ESRP1: variants seen among roughly 807,000 people sequenced by gnomAD.
ESRP1 encodes the protein RNA-binding motif protein 35A.
ESRP1 carries 33 observed loss-of-function variants against 81.7 expected under a neutral mutation model. That is an observed-to-expected ratio of 0.40 (90% CI 0.31 to 0.54). The LOEUF (loss-of-function observed/expected upper bound fraction) is 0.54, where lower values mean the gene tolerates loss of function less well. Ranked by LOEUF, ESRP1 falls within the 20% of genes least tolerant of loss-of-function variation. ESRP1 has a pLI of 0.41. For missense variants in ESRP1, 672 were observed against 833.1 expected (o/e 0.81, Z 2.38); for synonymous variants, 320 against 303.3 (o/e 1.06, Z -0.57).
chr8:94,696,801 A>G, intron 14 of ESRP1, 51 bp from the exon 15 acceptor site: 2 of 1,353,766 alleles, frequency 1.5e-6, no homozygotes, highest in South Asian at 2.7e-5. Context: ...TATTATCCAT[A>G]GTGACAGTTT....
At chr8:94,699,413 G>A (rs1809727949) in intron 15 of ESRP1, among the ~76,000 whole-genome samples, 2 of 151,900 alleles carry the variant, frequency 1.3e-5, no homozygotes, top group South Asian at 4.2e-4. Context: ...GACTCAGGTG[G>A]GCAGATCACT....
chr8:94,664,120 CTTTTT>C (rs755384250), intron 6 of ESRP1, among the ~76,000 whole-genome samples: 2 of 98,530 alleles, frequency 2.0e-5, no homozygotes, highest in Non-Finnish European at 4.2e-5. Context: ...ATTTCCTCAG[CTTTTT>C]TTTTTTTTTT....
At chr8:94,688,464 C>T (rs555806455) in intron 13 of ESRP1, 7 of 245,950 alleles carry the variant, frequency 2.8e-5, no homozygotes, top group Admixed American at 1.3e-4. Flanking sequence ...ATTTCACGTG[C>T]AACTCAAAGA....
Position 94,668,093 on chromosome 8 carries a change from T to C in ESRP1, c.1076T>C (p.Ile359Thr). The C allele has an allele frequency of 6.2e-7, 1 of 1,613,994 alleles. No homozygotes were observed. The highest frequency in any genetic ancestry group is 1.1e-5 in the South Asian group (1 of 91,084). Residue 359 changes from isoleucine (I) to threonine (T), a missense_variant, in exon 10 of 16, where the codon ATC becomes ACC. Ile to Thr is a moderately conservative substitution (Grantham distance 89). Transcript: ENST00000433389. ...CCTATTACTGGGGGAAAGGAAGGCA[T>C]CCTCTTTGTCACCTACCCAGATGGT... is the stretch of plus-strand genomic sequence containing the variant. ...HCPITGGKEG[I>T]LFVTYPDGRP...
chr8:94,703,866 G>A (rs1809947865), intron 15 of ESRP1, among the ~76,000 whole-genome samples: 1 of 152,180 alleles, frequency 6.6e-6, no homozygotes, highest in South Asian at 2.1e-4. Flanking sequence ...TTGAGATTAG[G>A]TGATGGGGCA....
chr8:94,648,250 C>G (rs990876855), intron 4 of ESRP1, among the ~76,000 whole-genome samples: 5 of 152,084 alleles, frequency 3.3e-5, no homozygotes, highest in African/African-American at 1.2e-4. Context: ...GAGCAAGACC[C>G]TGTCTCAAAA....
intron 13 of ESRP1, chr8:94,688,560 G>GA (rs761346852): frequency 8.6e-5 from 18 of 209,034 alleles, no homozygotes; most frequent in Non-Finnish European, 1.2e-4. Flanking sequence ...CACAGACCAT[G>GA]AAGAAGCAAG....
chr8:94,676,884 G>A (rs938463082), intron 12 of ESRP1, among the ~76,000 whole-genome samples: 1 of 151,960 alleles, frequency 6.6e-6, no homozygotes, highest in Non-Finnish European at 1.5e-5. Flanking sequence ...CGGGCGCGGT[G>A]GCTTACGCCT....
rs1563525279 is a variant in ESRP1 at position 94,660,740 on chromosome 8, A to AC, written c.491-1532_491-1531insC. 5.1e-4 allele frequency among the ~76,000 whole-genome samples: 62 copies of AC among 121,812 alleles called. 1 individual carries two copies. Among genetic ancestry groups the AC allele is most frequent in the African/African-American group, 1.7e-3 (60 of 35,614 alleles). 79.9% of individuals were successfully genotyped at this position (121,812 alleles called of 152,430 possible). A position where few individuals can be genotyped will look rare whatever the true frequency, so the allele number is the denominator to read the frequency against. ...AAAAAAAAAAAAAAAAAAAAAAAAAAAAACCAAAACAAACAAACAAACAAA... is the reference window on the plus strand; with the variant it reads ...AAAAAAAAAAAAAAAAAAAAAAAAAACAAACCAAAACAAACAAACAAACAAA... On this transcript the variant is annotated intron_variant, in intron 4 of 15. Coordinates refer to ENST00000433389, the MANE Select transcript of ESRP1 (RefSeq NM_017697.4).
chr8:94,662,509 T>C lies in ESRP1; in HGVS notation c.598T>C (p.Phe200Leu). 1 of 1,608,122 alleles carries C rather than the reference T, an allele frequency of 6.2e-7. No homozygotes were observed. Among genetic ancestry groups the C allele is most frequent in the Non-Finnish European group, 8.5e-7 (1 of 1,176,848 alleles). ...TATGTTCTCATTTTTAGATCACAGG[T>C]TTTCAGATCCAGAGAGAGTGAATTA... ...AMISEPYNHR[F>L]SDPERVNYKF... Residue 200 changes from phenylalanine (F) to leucine (L), a missense_variant, in exon 6 of 16, where the codon TTT becomes CTT. Physicochemically the swap from Phe to Leu is conservative, Grantham distance 22 (BLOSUM62 0). Coordinates refer to ENST00000433389, the MANE Select transcript of ESRP1 (RefSeq NM_017697.4).
At chr8:94,675,448 G>A (rs1819543704) in intron 12 of ESRP1, among the ~76,000 whole-genome samples, 1 of 152,204 alleles carries the variant, frequency 6.6e-6, no homozygotes, top group East Asian at 1.9e-4. Flanking sequence ...AGAACATTCA[G>A]TGGGGCTTAA....
At chr8:94,643,765 A>G (rs1433301386) in intron 3 of ESRP1, among the ~76,000 whole-genome samples, 1 of 152,128 alleles carries the variant, frequency 6.6e-6, no homozygotes, top group African/African-American at 2.4e-5. Flanking sequence ...CCCTTTTCCG[A>G]AGCTAATACA....
At chr8:94,688,506 C>T (rs185758800) in intron 13 of ESRP1, 26 of 220,296 alleles carry the variant, frequency 1.2e-4, no homozygotes, top group East Asian at 1.1e-3. Context: ...TCTGCTTCCA[C>T]GTCATCAGTT....
In ESRP1 at chr8:94,681,126, C is replaced by T. The variant is rs138638107; in HGVS notation, c.1820+2755C>T. 3.4e-3 allele frequency among the ~76,000 whole-genome samples: 513 copies of T among 151,132 alleles called. 4 individuals carry two copies. The highest frequency in any genetic ancestry group is 0.012 in the African/African-American group (484 of 41,102). Reference sequence around the variant, plus strand: ...GGATCACGAGGTCAGGAGATAGAGACCATCCTGGCTAACATGGTGAAACCC... The same window carrying T: ...GGATCACGAGGTCAGGAGATAGAGATCATCCTGGCTAACATGGTGAAACCC... On this transcript the variant is annotated intron_variant, in intron 13 of 15. Coordinates refer to ENST00000433389, the MANE Select transcript of ESRP1 (RefSeq NM_017697.4).
At chr8:94,685,948 A>G (rs1809122452) in intron 13 of ESRP1, among the ~76,000 whole-genome samples, 1 of 152,038 alleles carries the variant, frequency 6.6e-6, no homozygotes, top group Admixed American at 6.6e-5. Flanking sequence ...CTTAATACCT[A>G]TATATGTTGT....
intron 4 of ESRP1, among the ~76,000 whole-genome samples, chr8:94,651,035 A>C (rs1377974009): frequency 6.6e-6 from 1 of 152,120 alleles, no homozygotes; most frequent in East Asian, 1.9e-4. Context: ...GTAAGTACCA[A>C]GGAGTGTGAC....
intron 9 of ESRP1, among the ~76,000 whole-genome samples, chr8:94,665,544 T>C (rs917611130): frequency 6.6e-6 from 1 of 152,164 alleles, no homozygotes; most frequent in Non-Finnish European, 1.5e-5. Context: ...CAAACTGGAG[T>C]GCGGTGGCAC....
intron 15 of ESRP1, among the ~76,000 whole-genome samples, chr8:94,703,111 T>G (rs879524510): frequency 6.7e-5 from 10 of 149,054 alleles, no homozygotes; most frequent in Admixed American, 3.3e-4. Context: ...ATTGATTGTT[T>G]TTTTTTTTTT....
At chr8:94,683,267 A>G (rs1808998175) in intron 13 of ESRP1, among the ~76,000 whole-genome samples, 1 of 152,096 alleles carries the variant, frequency 6.6e-6, no homozygotes, top group Non-Finnish European at 1.5e-5. Flanking sequence ...ATTTAGTAAT[A>G]TGTATGTGTT....
Sources: allele counts gnomAD v4.1 joint callset (sites outside exome capture counted in the v4.1 genomes callset), GRCh38; gene constraint gnomAD v4.1.1; transcripts MANE v1.5; gene names NCBI Gene and HGNC (gene_info 2026-07-23, HGNC 2026-07-21).